The following IRGM variants were observed in gnomAD, a reference collection of about 807,000 sequenced individuals.
The protein encoded by IRGM is immunity related GTPase M.
For synonymous variants in IRGM, 98 were observed against 80.6 expected, an observed-to-expected ratio of 1.22 and a Z score of -1.16; for missense variants, 288 against 219.9, an observed-to-expected ratio of 1.31 and a Z score of -1.96.
rs1477650293 is a variant in IRGM at position 150,847,185 on chromosome 5, G to A, written c.-451G>A. Reference sequence around the variant, plus strand: ...ACTTCACGTATATTGCAGCATTTCAGTACTGCTCTGCACGTGTGCTCCCCC... The same window carrying A: ...ACTTCACGTATATTGCAGCATTTCAATACTGCTCTGCACGTGTGCTCCCCC... On this transcript the variant is annotated 5_prime_UTR_variant, in exon 1 of 2. Transcript: ENST00000522154. 2.6e-5 allele frequency: 4 copies of A among 152,376 alleles called. No homozygotes were observed. The highest frequency in any genetic ancestry group is 9.7e-5 in the African/African-American group (4 of 41,444). 9.4% of individuals were successfully genotyped at this position (152,376 alleles called of 1,614,324 possible). A position where few individuals can be genotyped will look rare whatever the true frequency, so the allele number is the denominator to read the frequency against.
At chr5:150,896,429 T>C (rs779123316) in intron 3 of IRGM, 1 of 1,613,580 alleles carries the variant, frequency 6.2e-7, no homozygotes, top group African/African-American at 1.3e-5. Flanking sequence ...ATGTAACACA[T>C]ACACAGCTTT....
At chr5:150,894,488 AC>A (rs1268376797) in intron 3 of IRGM, 2 of 152,266 alleles carry the variant, frequency 1.3e-5, no homozygotes, top group African/African-American at 4.8e-5. Context: ...AAATAAGGCC[AC>A]CAGGATCAGA....
chr5:150,878,740 AATT>A (rs935615011), intron 2 of IRGM, among the ~76,000 whole-genome samples: 4 of 151,522 alleles, frequency 2.6e-5, no homozygotes, highest in Non-Finnish European at 5.9e-5. Context: ...ATTATTGTGT[AATT>A]ATTATTATTG....
At chr5:150,901,409 G>A (rs1754991579), downstream of IRGM, among the ~76,000 whole-genome samples, 1 of 152,010 alleles carries the variant, frequency 6.6e-6, no homozygotes, top group Non-Finnish European at 1.5e-5. Flanking sequence ...AATCTGGTAT[G>A]TACTTAACAT....
intron 1 of IRGM, among the ~76,000 whole-genome samples, chr5:150,858,959 C>T (rs147018773): frequency 0.17 from 26,058 of 152,050 alleles, 3,197 homozygotes; most frequent in East Asian, 0.43. Flanking sequence ...ACTTCCAACA[C>T]TATGTTGAAT....
At chr5:150,878,235 G>C (rs1754394033) in intron 2 of IRGM, 1 of 330,362 alleles carries the variant, frequency 3.0e-6, no homozygotes, top group Non-Finnish European at 5.9e-6. Context: ...AGTACAAATA[G>C]TGATCCCAAC....
chr5:150,877,603 G>A (rs1393546549), intron 1 of IRGM, among the ~76,000 whole-genome samples: 2 of 152,028 alleles, frequency 1.3e-5, no homozygotes, highest in Non-Finnish European at 2.9e-5. Context: ...CCCTAATGTA[G>A]TAGGTGTTAT....
At chr5:150,885,264 A>G (rs1296966952) in intron 3 of IRGM, among the ~76,000 whole-genome samples, 1 of 151,996 alleles carries the variant, frequency 6.6e-6, no homozygotes, top group Non-Finnish European at 1.5e-5. Flanking sequence ...ATCCTGTTCC[A>G]TTGGTCTATG....
chr5:150,852,059 C>A (rs149565965), downstream of IRGM, among the ~76,000 whole-genome samples: 1 of 152,108 alleles, frequency 6.6e-6, no homozygotes, highest in East Asian at 1.9e-4. Flanking sequence ...ATCTTTTGGG[C>A]CTTTTCAAAG....
rs1024182878 is a variant in IRGM at position 150,848,416 on chromosome 5, C to T, written c.293C>T (p.Thr98Ile). Residue 98 changes from threonine (T) to isoleucine (I), a missense_variant, in exon 2 of 2, where the codon ACC becomes ATC. Thr to Ile is a moderately conservative substitution (Grantham distance 89, BLOSUM62 -1). Transcript: ENST00000522154. ...GACCTGCCTGGCACAGGGTCTGCCACCACAACCCTGGAGAACTACCTGATG... is the reference window on the plus strand; with the variant it reads ...GACCTGCCTGGCACAGGGTCTGCCATCACAACCCTGGAGAACTACCTGATG... ...LWDLPGTGSATTTLENYLMEM... is the reference protein window; with the variant it reads ...LWDLPGTGSAITTLENYLMEM... The T allele has an allele frequency of 2.6e-6, 4 of 1,551,714 alleles. No homozygotes were observed. Among genetic ancestry groups the T allele is most frequent in the East Asian group, 4.9e-5 (2 of 41,074 alleles).
intron 3 of IRGM, among the ~76,000 whole-genome samples, chr5:150,884,538 C>A (rs1290459493): frequency 2.6e-5 from 4 of 152,138 alleles, no homozygotes; most frequent in African/African-American, 7.2e-5. Flanking sequence ...CTTTCACCAA[C>A]CGTGTATAAA....
chr5:150,872,277 T>G (rs1035344204), intron 1 of IRGM, among the ~76,000 whole-genome samples: 1 of 152,152 alleles, frequency 6.6e-6, no homozygotes, highest in Non-Finnish European at 1.5e-5. Flanking sequence ...AGAAACAACT[T>G]CCCCATCCCC....
intron 3 of IRGM, chr5:150,898,300 C>A: frequency 6.3e-7 from 1 of 1,588,098 alleles, no homozygotes; most frequent in Non-Finnish European, 8.6e-7. Context: ...AAAGGCATAA[C>A]CTCCATTTGC....
intron 3 of IRGM, chr5:150,895,970 G>A (rs1317478820): frequency 6.2e-7 from 1 of 1,613,412 alleles, no homozygotes; most frequent in Non-Finnish European, 8.5e-7. Flanking sequence ...GTATAATGAG[G>A]TGGGACTTCT....
At chr5:150,888,105 A>G (rs1754553407) in intron 3 of IRGM, among the ~76,000 whole-genome samples, 1 of 152,068 alleles carries the variant, frequency 6.6e-6, no homozygotes, top group South Asian at 2.1e-4. Flanking sequence ...AGGGAAATTT[A>G]CCAAGCAAAT....
At chr5:150,863,870 T>C (rs937010046) in intron 1 of IRGM, among the ~76,000 whole-genome samples, 2 of 152,222 alleles carry the variant, frequency 1.3e-5, no homozygotes, top group Admixed American at 1.3e-4. Flanking sequence ...GAAGCTAGTT[T>C]TGAAAGGGTC....
At chr5:150,895,457 TAC>T (rs747293678) in intron 3 of IRGM, 5 of 1,611,200 alleles carry the variant, frequency 3.1e-6, no homozygotes, top group South Asian at 2.2e-5. Flanking sequence ...TTCTCTGGTG[TAC>T]AGTTAGTTGT....
At chr5:150,851,615 T>C (rs1446290811), downstream of IRGM, among the ~76,000 whole-genome samples, 1 of 152,234 alleles carries the variant, frequency 6.6e-6, no homozygotes, top group Non-Finnish European at 1.5e-5. Context: ...ATTGAATCAT[T>C]TGTATATTTC....
rs544501005 is a variant in IRGM at position 150,884,593 on chromosome 5, G to T, written c.*140+4947G>T. On this transcript the variant is annotated intron_variant and NMD_transcript_variant, in intron 3 of 3. Transcript: ENST00000520549. ...CCTTGCCAGCATTTGTAATTTTTTGGCTTTTTAGTAATAGCCATTTTAACT... is the reference window on the plus strand; with the variant it reads ...CCTTGCCAGCATTTGTAATTTTTTGTCTTTTTAGTAATAGCCATTTTAACT... 2.0e-5 allele frequency among the ~76,000 whole-genome samples: 3 copies of T among 151,760 alleles called. No homozygotes were observed. The South Asian group carries it at 6.2e-4, about 32-fold the overall frequency.
Sources: gnomAD v4.1 joint callset for allele counts (sites outside exome capture counted in the v4.1 genomes callset) on GRCh38, gnomAD v4.1.1 for gene constraint, MANE v1.5 for transcripts, NCBI Gene and HGNC (gene_info 2026-07-23, HGNC 2026-07-21) for gene names.